CRCP: variants seen among roughly 807,000 people sequenced by gnomAD.
The protein encoded by CRCP is CGRP receptor component.
CRCP carries 18 observed loss-of-function variants against 18.5 expected under a neutral mutation model. That is an observed-to-expected ratio of 0.97 (90% CI 0.67 to 1.44). CRCP has a LOEUF of 1.44. CRCP is among the 40% of genes most tolerant of loss of function. The probability of loss-of-function intolerance (pLI) is 0.00; values close to 1 mark genes in which losing one functional copy is unlikely to be tolerated. For missense variants in CRCP, 130 were observed against 176.4 expected, an observed-to-expected ratio of 0.74 and a Z score of 1.49; for synonymous variants, 53 against 62.9, an observed-to-expected ratio of 0.84 and a Z score of 0.75.
At chr7:66,143,022 T>G (rs1788184735) in intron 4 of CRCP, among the ~76,000 whole-genome samples, 1 of 152,220 alleles carries the variant, frequency 6.6e-6, no homozygotes, top group African/African-American at 2.4e-5. Context: ...AATTTCATGT[T>G]AAATAATGTA....
chr7:66,141,853 T>C (rs1276259857), intron 4 of CRCP, among the ~76,000 whole-genome samples: 1 of 152,002 alleles, frequency 6.6e-6, no homozygotes, highest in Non-Finnish European at 1.5e-5. Flanking sequence ...CAGCAGGGAA[T>C]GTTTGTGCGC....
intron 1 of CRCP, among the ~76,000 whole-genome samples, chr7:66,121,034 C>CATCATAATA (rs1489640381): frequency 6.9e-6 from 1 of 145,374 alleles, no homozygotes; most frequent in African/African-American, 2.5e-5. Context: ...GTAACTAATA[C>CATCATAATA]ATAATAATAA....
intron 1 of CRCP, among the ~76,000 whole-genome samples, chr7:66,115,959 G>A (rs927869884): frequency 2.0e-5 from 3 of 152,012 alleles, no homozygotes; most frequent in African/African-American, 2.4e-5. Context: ...ATCACTCACC[G>A]CTAATTTTTT....
chr7:66,145,500 G>A lies in CRCP; in HGVS notation c.297G>A (p.Leu99=). ...CTGTGACTGCTGTGGAGATCCAGCT[G>A]GTGAGTGAAGGGCGCCTGTGCTGGG... The part of the protein sequence containing the change: ...HRPVTAVEIQ[L]MVEESEERLT... Residue 99 remains leucine (L), a splice_region_variant and synonymous_variant, in exon 5 of 6, where the codon CTG becomes CTA. Coordinates refer to ENST00000395326, the MANE Select transcript of CRCP (RefSeq NM_014478.5). The A allele has an allele frequency of 6.2e-7, 1 of 1,613,882 alleles. No homozygotes were observed. Among genetic ancestry groups the A allele is most frequent in the Non-Finnish European group, 8.5e-7 (1 of 1,179,798 alleles).
intron 4 of CRCP, among the ~76,000 whole-genome samples, chr7:66,137,160 C>A (rs1462520310): frequency 6.6e-6 from 1 of 152,024 alleles, no homozygotes; most frequent in Non-Finnish European, 1.5e-5. Context: ...ACCTTCTAGT[C>A]CATGAAAACA....
chr7:66,121,662 A>G (rs951825196), intron 1 of CRCP, among the ~76,000 whole-genome samples: 2 of 152,032 alleles, frequency 1.3e-5, no homozygotes, highest in Non-Finnish European at 2.9e-5. Context: ...TCTATAAGGT[A>G]TTTGCTATTT....
chr7:66,152,648 G>A lies in CRCP; in HGVS notation c.*291G>A. On this transcript the variant is annotated 3_prime_UTR_variant, in exon 6 of 6. Transcript: ENST00000395326. ...CTCCACGGCCTTTGCCCCAGTTGTG[G>A]GGAGGTCTCTGTGCACAGCGGGGAA... is the stretch of plus-strand genomic sequence containing the variant. 1 of 369,728 alleles carries A rather than the reference G, an allele frequency of 2.7e-6. No homozygotes were observed. Among genetic ancestry groups the A allele is most frequent in the Non-Finnish European group, 5.1e-6 (1 of 195,956 alleles). The allele number at this position is 369,728 out of a possible 1,614,324, so 22.9% of individuals were successfully genotyped here.
At chr7:66,139,961 A>G (rs1788084813) in intron 4 of CRCP, among the ~76,000 whole-genome samples, 1 of 152,216 alleles carries the variant, frequency 6.6e-6, no homozygotes. Flanking sequence ...AGTTTCTCTC[A>G]AAGGTTTGCC....
chr7:66,117,384 ACT>A (rs1194452671), intron 1 of CRCP, among the ~76,000 whole-genome samples: 1 of 151,650 alleles, frequency 6.6e-6, no homozygotes, highest in African/African-American at 2.4e-5. Context: ...TTCTCTCCAC[ACT>A]CTGTCATTTC....
intron 5 of CRCP, among the ~76,000 whole-genome samples, chr7:66,149,788 T>C (rs1247102886): frequency 6.6e-6 from 1 of 152,082 alleles, no homozygotes; most frequent in African/African-American, 2.4e-5. Flanking sequence ...TGACAATGAC[T>C]ACATTATCCC....
intron 1 of CRCP, among the ~76,000 whole-genome samples, chr7:66,117,105 G>T (rs6957690): frequency 0.61 from 87,777 of 143,180 alleles, 27,155 homozygotes; most frequent in African/African-American, 0.73. Context: ...AGGTGACAGG[G>T]CAAGACTGTC....
intron 1 of CRCP, among the ~76,000 whole-genome samples, chr7:66,122,640 G>GT (rs774939052): frequency 0.021 from 3,011 of 142,532 alleles, 44 homozygotes; most frequent in African/African-American, 0.032. Flanking sequence ...CAGTTGTTTT[G>GT]TTTTTTTTTT....
chr7:66,133,473 A>G (rs1438730855), intron 3 of CRCP, among the ~76,000 whole-genome samples: 1 of 146,506 alleles, frequency 6.8e-6, no homozygotes, highest in Admixed American at 7.2e-5. Flanking sequence ...GTGCCGCTGC[A>G]CTCCAGCCTG....
rs749255597 is a variant in CRCP at position 66,145,416 on chromosome 7, T to G, written c.240-27T>G. On this transcript the variant is annotated intron_variant, in intron 4 of 5. Coordinates refer to ENST00000395326, the MANE Select transcript of CRCP (RefSeq NM_014478.5). ...ACTCAGGACTTAGGGCTATGCGAGT[T>G]GTCAACGCTGTACTTTCCCTCCACA... 7 of 1,612,652 alleles carry G rather than the reference T, an allele frequency of 4.3e-6. No homozygotes were observed. The East Asian group carries it at 1.6e-4, about 36-fold the overall frequency.
intron 4 of CRCP, among the ~76,000 whole-genome samples, chr7:66,142,301 C>T (rs1311340673): frequency 3.3e-5 from 5 of 152,136 alleles, no homozygotes; most frequent in African/African-American, 9.7e-5. Context: ...TCTCCCCAGC[C>T]GGTGGCCATT....
At chr7:66,151,177 G>T (rs1788445414) in intron 5 of CRCP, among the ~76,000 whole-genome samples, 1 of 152,196 alleles carries the variant, frequency 6.6e-6, no homozygotes, top group African/African-American at 2.4e-5. Flanking sequence ...AGGCCTCCCT[G>T]CAGGGCTGTT....
At chr7:66,141,502 G>A (rs1788137823) in intron 4 of CRCP, among the ~76,000 whole-genome samples, 1 of 152,126 alleles carries the variant, frequency 6.6e-6, no homozygotes, top group Non-Finnish European at 1.5e-5. Context: ...GAGGACGTCA[G>A]TAGGAGGGTC....
At chr7:66,120,867 T>C (rs1339814585) in intron 1 of CRCP, 1 of 152,044 alleles carries the variant, frequency 6.6e-6, no homozygotes, top group East Asian at 1.9e-4. Context: ...TTAGTATATG[T>C]GGGGGTCCTG....
In CRCP at chr7:66,137,491, A is replaced by G. The variant is rs114387522; in HGVS notation, c.239+3117A>G. On this transcript the variant is annotated intron_variant, in intron 4 of 5. Coordinates refer to ENST00000395326, the MANE Select transcript of CRCP (RefSeq NM_014478.5). The stretch of plus-strand genomic sequence containing the variant: ...TGGGGCCTCCAGGATGATGTTGAGT[A>G]GGAGTGGTGAGAGCAGACATCCTCA... Among the ~76,000 whole-genome samples the G allele has an allele frequency of 7.9e-3, 1,200 of 152,298 alleles. 15 individuals are homozygous for G. Among genetic ancestry groups the G allele is most frequent in the African/African-American group, 0.026 (1,096 of 41,552 alleles).
Sources: allele counts gnomAD v4.1 joint callset (sites outside exome capture counted in the v4.1 genomes callset), GRCh38; gene constraint gnomAD v4.1.1; transcripts MANE v1.5; gene names NCBI Gene and HGNC (gene_info 2026-07-23, HGNC 2026-07-21).